The following GXYLT1 variants were observed in gnomAD, a reference collection of about 807,000 sequenced individuals.
GXYLT1 encodes the protein glucoside xylosyltransferase 1.
Under a neutral mutation model 54.0 loss-of-function variants are expected in GXYLT1, and 29 were observed. The observed-to-expected ratio is 0.54, with a 90% CI of 0.40 to 0.73. The LOEUF is 0.73. Among genes scored for constraint, GXYLT1 ranks in the 30% least tolerant of loss-of-function variants. The pLI, the probability that GXYLT1 is intolerant of heterozygous loss-of-function variation, is 0.00. For missense variants in GXYLT1, 490 were observed against 553.4 expected, an observed-to-expected ratio of 0.89 and a Z score of 1.15; for synonymous variants, 176 against 204.1, an observed-to-expected ratio of 0.86 and a Z score of 1.17.
At chr12:42,119,918 A>G (rs1248072656) in intron 2 of GXYLT1, among the ~76,000 whole-genome samples, 1 of 152,106 alleles carries the variant, frequency 6.6e-6, no homozygotes, top group Admixed American at 6.5e-5. Context: ...CTTCTCACCA[A>G]TTTTCCTCCT....
At chr12:42,112,685 G>A (rs533994357) in intron 3 of GXYLT1, among the ~76,000 whole-genome samples, 92 of 152,260 alleles carry the variant, frequency 6.0e-4, no homozygotes, top group Non-Finnish European at 1.2e-3. Context: ...TGAAAGTGAC[G>A]GAGAGAATGG....
intron 1 of GXYLT1, among the ~76,000 whole-genome samples, chr12:42,143,148 G>A (rs2065661247): frequency 6.6e-6 from 1 of 152,200 alleles, no homozygotes; most frequent in Non-Finnish European, 1.5e-5. Context: ...GTTAACATCA[G>A]TCTAATTTCA....
chr12:42,112,363 G>A (rs149528010), intron 3 of GXYLT1, among the ~76,000 whole-genome samples: 2,298 of 152,124 alleles, frequency 0.015, 66 homozygotes, highest in East Asian at 0.1. Flanking sequence ...GAGGAAATTC[G>A]AACCAATGGC....
intron 5 of GXYLT1, among the ~76,000 whole-genome samples, chr12:42,104,706 T>C (rs1320196559): frequency 6.6e-6 from 1 of 152,066 alleles, no homozygotes; most frequent in Non-Finnish European, 1.5e-5. Flanking sequence ...CAGTTCCAAA[T>C]GAGGAAAAGA....
chr12:42,097,784 C>T (rs921037330), intron 6 of GXYLT1, 126 bp downstream of exon 6: 5 of 1,002,898 alleles, frequency 5.0e-6, no homozygotes, highest in Admixed American at 2.9e-5. Flanking sequence ...AAGTTTTACT[C>T]CGTCTTAAAC....
chr12:42,139,021 G>A (rs950713465), intron 1 of GXYLT1, among the ~76,000 whole-genome samples: 3 of 150,488 alleles, frequency 2.0e-5, no homozygotes, highest in African/African-American at 7.3e-5. Context: ...CTGGGCAATG[G>A]AGCGAGACTC....
At chr12:42,129,598 G>T (rs2065582765) in intron 2 of GXYLT1, among the ~76,000 whole-genome samples, 161 bp downstream of exon 2, 1 of 151,958 alleles carries the variant, frequency 6.6e-6, no homozygotes, top group South Asian at 2.1e-4. Context: ...CTAAAAAATA[G>T]CAATAACAAC....
At chr12:42,125,774 G>A (rs1316714304) in intron 2 of GXYLT1, among the ~76,000 whole-genome samples, 1 of 152,118 alleles carries the variant, frequency 6.6e-6, no homozygotes, top group African/African-American at 2.4e-5. Flanking sequence ...CAGCACTTTG[G>A]GAAGCCAAGG....
rs2065285441 is a variant in GXYLT1 at position 42,085,488 on chromosome 12, C to T, written c.*2298G>A. Reference sequence around the variant, plus strand: ...TATAAATTCATATCCTGTCATTAACCCCAAATGCTTCCTCTAATATTTCAA... The same window carrying T: ...TATAAATTCATATCCTGTCATTAACTCCAAATGCTTCCTCTAATATTTCAA... On this transcript the variant is annotated 3_prime_UTR_variant, in exon 8 of 8. Transcript: ENST00000398675. 1 of 152,214 alleles carries T rather than the reference C, an allele frequency of 6.6e-6. No homozygotes were observed. The highest frequency in any genetic ancestry group is 1.9e-4 in the East Asian group (1 of 5,204). 9.4% of individuals were successfully genotyped at this position (152,214 alleles called of 1,614,324 possible). A position where few individuals can be genotyped will look rare whatever the true frequency, so the allele number is the denominator to read the frequency against.
chr12:42,144,403 C>A, intron 1 of GXYLT1, 23 bp downstream of exon 1: 1 of 1,354,246 alleles, frequency 7.4e-7, no homozygotes, highest in South Asian at 1.5e-5. Context: ...CGCCGCGTCC[C>A]CCACACCGGG....
intron 1 of GXYLT1, among the ~76,000 whole-genome samples, chr12:42,136,751 T>TATACATACATACGTAC (rs2065621566): frequency 6.8e-6 from 1 of 147,370 alleles, no homozygotes; most frequent in African/African-American, 2.5e-5. Context: ...GGAGGTTTTT[T>TATACATACATACGTAC]ATACATACAT....
Position 42,097,628 on chromosome 12 carries a change from A to C in GXYLT1, c.989-14T>G, listed in dbSNP as rs764473362. On this transcript the variant is annotated splice_polypyrimidine_tract_variant and intron_variant, in intron 6 of 7. Transcript: ENST00000398675. ...CAAAAAGGCTTTCTACATAAAGAAA[A>C]GACCAAACAATGAAGCAAATACCCC... The C allele has an allele frequency of 3.1e-6, 5 of 1,597,160 alleles. No individual in the cohort carries two copies. The highest frequency in any genetic ancestry group is 4.3e-6 in the Non-Finnish European group (5 of 1,174,752).
rs150289475 is a variant in GXYLT1 at position 42,084,384 on chromosome 12, C to CATAAA, written c.*3397_*3401dup. The stretch of plus-strand genomic sequence containing the variant: ...TCTCTTCCTGAAAAACTCTTCCTTA[C>CATAAA]ATAAACAAATTCATACTGGAGATAT... On this transcript the variant is annotated 3_prime_UTR_variant, in exon 8 of 8. Coordinates refer to ENST00000398675, the MANE Select transcript of GXYLT1 (RefSeq NM_173601.2). 4,826 of 28,474 alleles carry CATAAA rather than the reference C, an allele frequency of 0.17. No homozygotes were observed. Among genetic ancestry groups the CATAAA allele is most frequent in the African/African-American group, 0.18 (1,415 of 8,028 alleles). The allele number at this position is 28,474 out of a possible 1,614,324, so 1.8% of individuals were successfully genotyped here.
At chr12:42,135,058 T>C (rs1369617481) in intron 1 of GXYLT1, among the ~76,000 whole-genome samples, 1 of 152,214 alleles carries the variant, frequency 6.6e-6, no homozygotes, top group South Asian at 2.1e-4. Flanking sequence ...GAGGCATATA[T>C]CCCTGCATCA....
Position 42,089,310 on chromosome 12 carries a change from G to A in GXYLT1, c.1162-1363C>T, listed in dbSNP as rs183281383. Among the ~76,000 whole-genome samples the A allele has an allele frequency of 5.1e-5, 7 of 138,416 alleles. No individual in the cohort carries two copies. In the East Asian group the frequency reaches 1.5e-3, roughly 30 times the overall value. The allele number at this position is 138,416 out of a possible 152,430, so 90.8% of individuals were successfully genotyped here. On this transcript the variant is annotated intron_variant, in intron 7 of 7. Transcript: ENST00000398675. ...AATGAGAACACATGGACACAGGAAG[G>A]GGAACATCACACATCGGGAACTGTT...
Position 42,084,608 on chromosome 12 carries a change from A to T in GXYLT1, c.*3178T>A, listed in dbSNP as rs576899720. The T allele has an allele frequency of 6.6e-6, 1 of 152,396 alleles. No individual in the cohort carries two copies. The highest frequency in any genetic ancestry group is 2.1e-4 in the South Asian group (1 of 4,828). 9.4% of individuals were successfully genotyped at this position (152,396 alleles called of 1,614,324 possible). ...TACTTAAAAACCTAAGGCACAGAGA[A>T]GGGTAAATAACATGCCTGAGTTACT... On this transcript the variant is annotated 3_prime_UTR_variant, in exon 8 of 8. Coordinates refer to ENST00000398675, the MANE Select transcript of GXYLT1 (RefSeq NM_173601.2).
At chr12:42,114,324 G>C (rs536365342) in intron 3 of GXYLT1, among the ~76,000 whole-genome samples, 1 of 152,146 alleles carries the variant, frequency 6.6e-6, no homozygotes, top group South Asian at 2.1e-4. Context: ...CACGTCAAAA[G>C]ATTAATGAAT....
At chr12:42,105,668 A>T (rs2065414817) in intron 5 of GXYLT1, 150 bp downstream of exon 5, 1 of 584,480 alleles carries the variant, frequency 1.7e-6, no homozygotes, top group South Asian at 2.7e-5. Flanking sequence ...TTCTAGATAA[A>T]TCTAGATATT....
At chr12:42,126,385 G>A (rs2065562537) in intron 2 of GXYLT1, among the ~76,000 whole-genome samples, 2 of 152,066 alleles carry the variant, frequency 1.3e-5, no homozygotes, top group African/African-American at 4.8e-5. Flanking sequence ...CAGTAGGGAG[G>A]TACTCAAAAG....
Sources: gnomAD v4.1 joint callset for allele counts (sites outside exome capture counted in the v4.1 genomes callset) on GRCh38, gnomAD v4.1.1 for gene constraint, MANE v1.5 for transcripts, NCBI Gene and HGNC (gene_info 2026-07-23, HGNC 2026-07-21) for gene names.